Variants in KMO observed in about 807,000 individuals in gnomAD.
KMO encodes kynurenine 3-hydroxylase.
In KMO, 24 loss-of-function variants were observed where a neutral mutation model predicts 57.8. The observed-to-expected ratio is 0.42, with a 90% confidence interval of 0.30 to 0.58. KMO has a LOEUF of 0.58. Ranked by LOEUF, KMO falls within the 20% of genes least tolerant of loss-of-function variation. KMO has a pLI of 0.22. For synonymous variants in KMO, 210 were observed against 193.6 expected (o/e 1.08, Z -0.70); for missense variants, 483 against 588.2 (o/e 0.82, Z 1.85).
intron 11 of KMO, among the ~76,000 whole-genome samples, chr1:241,588,329 C>CTTTTTT (rs57587351): frequency 1.1e-3 from 104 of 98,356 alleles, no homozygotes; most frequent in African/African-American, 1.4e-3. Context: ...TCTTTTTTTT[C>CTTTTTT]TTTTTTTTTT....
rs143842472 is a variant in KMO at position 241,589,815 on chromosome 1, C to T, written c.1099-197C>T. Reference sequence around the variant, plus strand: ...TTCCCTAGCAGGTTTCGTGTAATTGCTGTACATTTTCGAGGCAACGTCCTA... The same window carrying T: ...TTCCCTAGCAGGTTTCGTGTAATTGTTGTACATTTTCGAGGCAACGTCCTA... On this transcript the variant is annotated intron_variant, in intron 12 of 14. Transcript: ENST00000366559. Among the ~76,000 whole-genome samples the T allele has an allele frequency of 1.8e-4, 27 of 152,302 alleles. No homozygotes were observed. The East Asian group carries it at 3.9e-3, about 22-fold the overall frequency.
chr1:241,536,078 T>C (rs1316654070), intron 1 of KMO, among the ~76,000 whole-genome samples: 1 of 152,194 alleles, frequency 6.6e-6, no homozygotes, highest in African/African-American at 2.4e-5. Context: ...AAGTGGAGAA[T>C]CACTCCTTTA....
Position 241,590,078 on chromosome 1 carries a change from A to G in KMO, c.1165A>G (p.Ile389Val), listed in dbSNP as rs1663190300. The part of the protein sequence containing the change: ...QKNMERFLHA[I>V]MPSTFIPLYT... ...GAACATGGAGAGATTTCTTCATGCG[A>G]TTATGCCATCGACCTTTATCCCTCT... The change falls in exon 13 of 15, where the codon ATT becomes GTT. Residue 389 changes from isoleucine to valine, a missense_variant. Physicochemically the swap from Ile to Val is conservative, Grantham distance 29. Around this residue, in one of 3 missense-constraint regions of KMO, gnomAD observed 410 missense variants for 492.3 expected, o/e 0.83. Transcript: ENST00000366559. 5.6e-6 allele frequency: 9 copies of G among 1,613,966 alleles called. No individual in the cohort carries two copies. The highest frequency in any genetic ancestry group is 6.8e-6 in the Non-Finnish European group (8 of 1,179,882).
At chr1:241,539,751 C>A (rs757144154) in intron 1 of KMO, among the ~76,000 whole-genome samples, 2 of 152,130 alleles carry the variant, frequency 1.3e-5, no homozygotes, top group Non-Finnish European at 2.9e-5. Flanking sequence ...TTACTCCATT[C>A]CCCCACTAGT....
At chr1:241,536,797 C>T (rs181642015) in intron 1 of KMO, among the ~76,000 whole-genome samples, 10 of 152,090 alleles carry the variant, frequency 6.6e-5, no homozygotes, top group Non-Finnish European at 1.0e-4. Context: ...GAGATTTGTA[C>T]GTATTTTGAC....
intron 10 of KMO, among the ~76,000 whole-genome samples, chr1:241,583,124 T>C (rs1338119519): frequency 2.0e-5 from 3 of 152,188 alleles, no homozygotes; most frequent in Non-Finnish European, 4.4e-5. Context: ...CAGTCTCTTC[T>C]CTTTTGTTCC....
intron 5 of KMO, among the ~76,000 whole-genome samples, chr1:241,558,868 T>C (rs1420233079): frequency 6.6e-6 from 1 of 151,734 alleles, no homozygotes; most frequent in East Asian, 1.9e-4. Context: ...ATCCCAGCAC[T>C]TTGGGAGGCC....
At chr1:241,558,920 CTGGTGAACA>C (rs1661736427) in intron 5 of KMO, among the ~76,000 whole-genome samples, 1 of 151,944 alleles carries the variant, frequency 6.6e-6, no homozygotes, top group Non-Finnish European at 1.5e-5. Context: ...GGAGACCAGC[CTGGTGAACA>C]TGGTGAAACC....
intron 2 of KMO, among the ~76,000 whole-genome samples, chr1:241,549,210 A>G (rs142813357): frequency 0.022 from 110 of 4,892 alleles, 1 homozygote; most frequent in African/African-American, 0.035. Flanking sequence ...AGGAAGAAAG[A>G]AAGAAAGAAA....
chr1:241,580,334 C>T (rs1662703793), intron 10 of KMO, among the ~76,000 whole-genome samples: 2 of 152,126 alleles, frequency 1.3e-5, no homozygotes, highest in Admixed American at 6.5e-5. Flanking sequence ...GCTAACATTG[C>T]CTCCAATTCA....
chr1:241,577,986 G>A (rs1337161205), intron 10 of KMO, among the ~76,000 whole-genome samples: 1 of 152,156 alleles, frequency 6.6e-6, no homozygotes, highest in Non-Finnish European at 1.5e-5. Flanking sequence ...TGGCTATTCA[G>A]ATCAGACAGG....
chr1:241,556,384 C>T (rs1661625183), intron 5 of KMO, among the ~76,000 whole-genome samples: 1 of 152,158 alleles, frequency 6.6e-6, no homozygotes, highest in Non-Finnish European at 1.5e-5. Flanking sequence ...ATTCTCCCAC[C>T]TCAGACTCCA....
intron 10 of KMO, among the ~76,000 whole-genome samples, chr1:241,580,200 TTTCCTGTTAAG>T (rs1445374397): frequency 2.0e-5 from 3 of 152,122 alleles, no homozygotes; most frequent in Non-Finnish European, 4.4e-5. Context: ...TTCCTTCCGT[TTTCCTGTTAAG>T]TTCCTGTGTT....
rs1477632975 is a variant in KMO at position 241,591,915 on chromosome 1, T to G, written c.1261-38T>G. The stretch of plus-strand genomic sequence containing the variant: ...TGAAGTCTATTTTCAGATTTTAATC[T>G]CTGGACAAATGAAATGAGAGTTCTT... On this transcript the variant is annotated intron_variant, in intron 14 of 14. Transcript: ENST00000366559. 3.2e-6 allele frequency: 5 copies of G among 1,540,462 alleles called. No homozygotes were observed. The South Asian group carries it at 4.5e-5, about 14-fold the overall frequency.
chr1:241,559,196 A>G (rs530726053), intron 5 of KMO, among the ~76,000 whole-genome samples: 2 of 152,210 alleles, frequency 1.3e-5, no homozygotes, highest in African/African-American at 4.8e-5. Flanking sequence ...TTCTTTTTAT[A>G]TATACTTGTT....
rs1285839714 is a variant in KMO at position 241,575,536 on chromosome 1, CAAGAG to C, written c.957+6894_957+6898del. Among the ~76,000 whole-genome samples the C allele has an allele frequency of 2.6e-5, 4 of 152,082 alleles. No individual in the cohort carries two copies. The East Asian group carries it at 7.7e-4, about 29-fold the overall frequency. ...TTTCATTGTTAACCCCAAAATCATT[CAAGAG>C]AAGATTGTTTAATTTCCATGTATTT... On this transcript the variant is annotated intron_variant, in intron 10 of 14. Transcript: ENST00000366559.
chr1:241,558,661 C>T (rs959994398), intron 5 of KMO, among the ~76,000 whole-genome samples: 1 of 151,942 alleles, frequency 6.6e-6, no homozygotes, highest in Non-Finnish European at 1.5e-5. Flanking sequence ...TAGTACTTCT[C>T]AGGGCTTTTA....
chr1:241,533,761 A>G (rs779447991), intron 1 of KMO, among the ~76,000 whole-genome samples: 3 of 152,244 alleles, frequency 2.0e-5, no homozygotes, highest in Admixed American at 1.3e-4. Flanking sequence ...GAGAAGCACT[A>G]TGAAAGAAAC....
Position 241,592,279 on chromosome 1 carries a change from A to T in KMO, c.*126A>T. Reference sequence around the variant, plus strand: ...AGTGTTCTGCTTATAATTAAACTGAATGTAGAGTATCTCTGTATGTTAATT... The same window carrying T: ...AGTGTTCTGCTTATAATTAAACTGATTGTAGAGTATCTCTGTATGTTAATT... On this transcript the variant is annotated 3_prime_UTR_variant, in exon 15 of 15. Transcript: ENST00000366559. 1 of 693,310 alleles carries T rather than the reference A, an allele frequency of 1.4e-6. No individual in the cohort carries two copies. Among genetic ancestry groups the T allele is most frequent in the Non-Finnish European group, 2.4e-6 (1 of 409,190 alleles). The allele number at this position is 693,310 out of a possible 1,614,324, so 42.9% of individuals were successfully genotyped here.
Sources: gnomAD v4.1 joint callset for allele counts (sites outside exome capture counted in the v4.1 genomes callset) on GRCh38, gnomAD v4.1.1 for gene constraint, gnomAD v4.1.1 regional missense constraint, MANE v1.5 for transcripts, NCBI Gene and HGNC (gene_info 2026-07-23, HGNC 2026-07-21) for gene names.